Variants in PBK observed in about 807,000 individuals in gnomAD.
The protein encoded by PBK is PDZ binding kinase.
PBK carries 22 observed loss-of-function variants against 33.5 expected under a neutral mutation model. That is an observed-to-expected ratio of 0.66 (90% CI 0.47 to 0.94). The LOEUF is 0.94. Ranked by LOEUF, PBK falls within the 40% of genes least tolerant of loss-of-function variation. PBK has a pLI of 0.00. For synonymous variants in PBK, 129 were observed against 123.8 expected (o/e 1.04, Z -0.28); for missense variants, 376 against 383.4 (o/e 0.98, Z 0.16).
At chr8:27,822,968 T>TC in intron 4 of PBK, 95 bp downstream of exon 4, 1 of 777,756 alleles carries the variant, frequency 1.3e-6, no homozygotes, top group Non-Finnish European at 2.1e-6. Context: ...CCCATCCTCT[T>TC]CATTTCTATT....
chr8:27,829,941 G>T (rs931897421), intron 2 of PBK, among the ~76,000 whole-genome samples: 1 of 151,794 alleles, frequency 6.6e-6, no homozygotes, highest in Non-Finnish European at 1.5e-5. Context: ...GGTGGCTCAC[G>T]CCTGTAATCC....
In PBK at chr8:27,811,152, G is replaced by T; in HGVS notation, c.596-18C>A. The T allele has an allele frequency of 6.2e-7, 1 of 1,612,666 alleles. No individual in the cohort carries two copies. Among genetic ancestry groups the T allele is most frequent in the Non-Finnish European group, 8.5e-7 (1 of 1,179,020 alleles). On this transcript the variant is annotated intron_variant, in intron 6 of 7. Coordinates refer to ENST00000301905, the MANE Select transcript of PBK (RefSeq NM_018492.4). ...GTCAGTCACTGAAACAAGCAAGATG[G>T]TTATGAAGGCAGGAGCTACAAATCA...
intron 1 of PBK, among the ~76,000 whole-genome samples, chr8:27,835,575 G>A (rs1353077802): frequency 1.3e-5 from 2 of 148,244 alleles, no homozygotes; most frequent in African/African-American, 2.5e-5. Flanking sequence ...TTTTGAGACA[G>A]AGTTTTGCTC....
At chr8:27,824,726 A>G (rs977114950) in intron 3 of PBK, among the ~76,000 whole-genome samples, 3 of 152,184 alleles carry the variant, frequency 2.0e-5, no homozygotes, top group Non-Finnish European at 4.4e-5. Flanking sequence ...AAAAGGTACT[A>G]TGAGTCTCAT....
At chr8:27,816,118 T>G (rs527970386) in intron 6 of PBK, among the ~76,000 whole-genome samples, 1 of 151,984 alleles carries the variant, frequency 6.6e-6, no homozygotes, top group East Asian at 1.9e-4. Flanking sequence ...ACATCTAGAC[T>G]AGGTTAAGGG....
At chr8:27,824,032 T>C (rs540630879) in intron 3 of PBK, among the ~76,000 whole-genome samples, 1 of 152,194 alleles carries the variant, frequency 6.6e-6, no homozygotes, top group African/African-American at 2.4e-5. Flanking sequence ...AGCTTTGGAC[T>C]CCCTCACAGG....
intron 3 of PBK, among the ~76,000 whole-genome samples, chr8:27,825,678 CTG>C: frequency 6.6e-6 from 1 of 152,188 alleles, no homozygotes; most frequent in African/African-American, 2.4e-5. Flanking sequence ...GTGCATATAC[CTG>C]TGTTATCAAC....
At chr8:27,833,387 T>TA (rs1316990754) in intron 1 of PBK, among the ~76,000 whole-genome samples, 11 of 151,980 alleles carry the variant, frequency 7.2e-5, no homozygotes, top group African/African-American at 2.7e-4. Context: ...CGCATGCGTG[T>TA]AATCCCAGCT....
At chr8:27,828,429 C>G (rs190532416) in intron 2 of PBK, among the ~76,000 whole-genome samples, 2 of 152,138 alleles carry the variant, frequency 1.3e-5, no homozygotes, top group East Asian at 3.9e-4. Flanking sequence ...TTTTGTATGG[C>G]CTACAAGCTA....
chr8:27,810,639 C>A, intron 7 of PBK, 138 bp from the exon 8 acceptor site: 1 of 611,314 alleles, frequency 1.6e-6, no homozygotes, highest in Non-Finnish European at 2.9e-6. Flanking sequence ...ATGGAAATGT[C>A]TTCAATTGTC....
intron 6 of PBK, among the ~76,000 whole-genome samples, chr8:27,817,907 A>G (rs964962971): frequency 2.0e-5 from 3 of 152,192 alleles, no homozygotes; most frequent in African/African-American, 7.2e-5. Flanking sequence ...TGCATTGTCC[A>G]ATGTGGTAAC....
At chr8:27,812,317 G>A (rs1414244083) in intron 6 of PBK, 1 of 152,038 alleles carries the variant, frequency 6.6e-6, no homozygotes, top group Non-Finnish European at 1.5e-5. Context: ...ATTGAGATAT[G>A]TAGTTTTCAA....
In PBK at chr8:27,810,208, T is replaced by C. The variant is rs775171639; in HGVS notation, c.*97A>G. The C allele has an allele frequency of 7.5e-6, 6 of 802,642 alleles. No individual in the cohort carries two copies. Among genetic ancestry groups the C allele is most frequent in the Non-Finnish European group, 1.3e-5 (6 of 479,140 alleles). The allele number at this position is 802,642 out of a possible 1,614,324, so 49.7% of individuals were successfully genotyped here. On this transcript the variant is annotated 3_prime_UTR_variant, in exon 8 of 8. Coordinates refer to ENST00000301905, the MANE Select transcript of PBK (RefSeq NM_018492.4). ...AACAAGAAACTATGGTCCTCAAATA[T>C]GCCAATTTTAGAGTCTAATAACTAC... is the stretch of plus-strand genomic sequence containing the variant.
intron 2 of PBK, among the ~76,000 whole-genome samples, chr8:27,828,493 G>A (rs1375384104): frequency 1.3e-5 from 2 of 152,058 alleles, no homozygotes; most frequent in Non-Finnish European, 2.9e-5. Flanking sequence ...GGTTGGATGT[G>A]GTGGCTCATG....
chr8:27,820,011 T>TGG (rs1352748343), intron 6 of PBK, among the ~76,000 whole-genome samples: 3 of 152,148 alleles, frequency 2.0e-5, no homozygotes, highest in African/African-American at 7.2e-5. Context: ...AAGAGACAAA[T>TGG]TTAAGTATTA....
chr8:27,831,346 C>CA lies in PBK; in HGVS notation c.58+1709dup, dbSNP rs200755951. On this transcript the variant is annotated intron_variant, in intron 2 of 7. Coordinates refer to ENST00000301905, the MANE Select transcript of PBK (RefSeq NM_018492.4). ...CCATTACGGGTGACAAAAGGAAACTCAAAAAAACAAGAAAAAGAAAAGAAA... is the reference window on the plus strand; with the variant it reads ...CCATTACGGGTGACAAAAGGAAACTCAAAAAAAACAAGAAAAAGAAAAGAAA... 9.7e-3 allele frequency among the ~76,000 whole-genome samples: 1,436 copies of CA among 148,688 alleles called. 26 individuals carry two copies. The highest frequency in any genetic ancestry group is 0.033 in the African/African-American group (1,341 of 40,390).
intron 1 of PBK, among the ~76,000 whole-genome samples, chr8:27,835,795 C>G (rs572409267): frequency 6.6e-6 from 1 of 152,184 alleles, no homozygotes; most frequent in Non-Finnish European, 1.5e-5. Context: ...GTGATCCACC[C>G]GCCTTGGCCT....
At chr8:27,836,848 A>G (rs1806235659) in intron 1 of PBK, among the ~76,000 whole-genome samples, 1 of 152,160 alleles carries the variant, frequency 6.6e-6, no homozygotes, top group Admixed American at 6.5e-5. Flanking sequence ...AGCTATTTGC[A>G]CCTCAATGTA....
At chr8:27,812,848 AG>A (rs1435025993) in intron 6 of PBK, among the ~76,000 whole-genome samples, 2 of 152,234 alleles carry the variant, frequency 1.3e-5, no homozygotes, top group African/African-American at 4.8e-5. Flanking sequence ...GTGGAGAAAT[AG>A]GAATGCTTTT....
Sources: allele counts gnomAD v4.1 joint callset (sites outside exome capture counted in the v4.1 genomes callset), GRCh38; gene constraint gnomAD v4.1.1; transcripts MANE v1.5; gene names NCBI Gene and HGNC (gene_info 2026-07-23, HGNC 2026-07-21).